The following VPS53 variants were observed in gnomAD, a reference collection of about 807,000 sequenced individuals.
VPS53 encodes VPS53 subunit of GARP complex, also known as vacuolar protein sorting-associated protein 53 homolog.
VPS53 carries 70 observed loss-of-function variants against 107.0 expected under a neutral mutation model. The observed-to-expected ratio is 0.65, with a 90% CI of 0.54 to 0.80. The LOEUF is 0.80. Among genes scored for constraint, VPS53 ranks in the 30% least tolerant of loss-of-function variants. The probability of loss-of-function intolerance (pLI) is 0.00; values close to 1 mark genes in which losing one functional copy is unlikely to be tolerated. For synonymous variants in VPS53, 409 were observed against 393.3 expected, an observed-to-expected ratio of 1.04 and a Z score of -0.47; for missense variants, 917 against 1,049.4, an observed-to-expected ratio of 0.87 and a Z score of 1.74.
intron 12 of VPS53, among the ~76,000 whole-genome samples, chr17:591,771 GC>G (rs1443171210): frequency 6.6e-6 from 1 of 152,150 alleles, no homozygotes; most frequent in East Asian, 1.9e-4. Flanking sequence ...TTTTACATTT[GC>G]TGAGGAGAGC....
At chr17:605,927 G>T (rs968303501) in intron 11 of VPS53, among the ~76,000 whole-genome samples, 2 of 152,162 alleles carry the variant, frequency 1.3e-5, no homozygotes, top group Non-Finnish European at 2.9e-5. Context: ...ACAGCGAAGT[G>T]ATGTGATCTA....
chr17:510,872 A>T lies in VPS53; in HGVS notation c.*8256T>A, dbSNP rs1296974084. ...GCCAGCTGCTGATCCAAAGCTCTGG[A>T]TCCTTTAGGGCTGTGCAAAGATGTG... On this transcript the variant is annotated 3_prime_UTR_variant, in exon 22 of 22. Coordinates refer to ENST00000437048, the MANE Select transcript of VPS53 (RefSeq NM_001128159.3). 3 of 152,594 alleles carry T rather than the reference A, an allele frequency of 2.0e-5. No individual in the cohort carries two copies. The highest frequency in any genetic ancestry group is 6.5e-5 in the Admixed American group (1 of 15,282). 9.5% of individuals were successfully genotyped at this position (152,594 alleles called of 1,614,324 possible). A position where few individuals can be genotyped will look rare whatever the true frequency, so the allele number is the denominator to read the frequency against.
At chr17:534,093 GC>G in intron 18 of VPS53, among the ~76,000 whole-genome samples, 1 of 152,306 alleles carries the variant, frequency 6.6e-6, no homozygotes, top group African/African-American at 2.4e-5. Flanking sequence ...TCTTGCCTCG[GC>G]CCCACAAAGC....
At chr17:628,596 T>C (rs1390011733) in intron 8 of VPS53, among the ~76,000 whole-genome samples, 2 of 151,978 alleles carry the variant, frequency 1.3e-5, no homozygotes, top group Non-Finnish European at 2.9e-5. Context: ...GGCCTAAGAG[T>C]GGGAATGCCA....
intron 13 of VPS53, among the ~76,000 whole-genome samples, chr17:565,423 A>AGG (rs1470806203): frequency 2.3e-5 from 3 of 132,788 alleles, no homozygotes; most frequent in East Asian, 2.1e-4. Flanking sequence ...AAAAAAAAAA[A>AGG]AAAGAAAGAA....
At chr17:546,429 C>T (rs1597276608) in intron 17 of VPS53, among the ~76,000 whole-genome samples, 1 of 151,052 alleles carries the variant, frequency 6.6e-6, no homozygotes, top group East Asian at 1.9e-4. Flanking sequence ...GAAAAGGCAA[C>T]CCACCCACAG....
chr17:680,083 C>T (rs1464306311), intron 4 of VPS53, among the ~76,000 whole-genome samples: 2 of 152,218 alleles, frequency 1.3e-5, no homozygotes, highest in South Asian at 2.1e-4. Flanking sequence ...CATTTCAGGT[C>T]AGGAGTTCAA....
intron 2 of VPS53, 129 bp from the exon 3 acceptor site, chr17:699,509 G>T: frequency 2.6e-5 from 17 of 643,270 alleles, no homozygotes; most frequent in Admixed American, 8.1e-5. Flanking sequence ...TATGAGTTTT[G>T]CTTTAAAAAA....
chr17:628,858 C>T (rs774211337), intron 8 of VPS53, among the ~76,000 whole-genome samples: 1 of 152,190 alleles, frequency 6.6e-6, no homozygotes, highest in African/African-American at 2.4e-5. Flanking sequence ...TGGAAAGATA[C>T]CAGGCGCTGT....
chr17:533,640 G>C (rs908412140), intron 18 of VPS53, among the ~76,000 whole-genome samples: 1 of 152,066 alleles, frequency 6.6e-6, no homozygotes, highest in African/African-American at 2.4e-5. Flanking sequence ...TGCTGCCTTC[G>C]CCATACTCTA....
intron 1 of VPS53, among the ~76,000 whole-genome samples, chr17:710,906 C>T (rs1973619994): frequency 6.6e-6 from 1 of 152,126 alleles, no homozygotes. Context: ...GATCACACCA[C>T]TACACTCCAG....
At chr17:700,754 T>C (rs1399033816) in intron 2 of VPS53, among the ~76,000 whole-genome samples, 1 of 152,180 alleles carries the variant, frequency 6.6e-6, no homozygotes, top group Non-Finnish European at 1.5e-5. Flanking sequence ...ATTCAAGTTT[T>C]CAAAATACAA....
intron 6 of VPS53, among the ~76,000 whole-genome samples, chr17:654,642 CAGG>C (rs1278945331): frequency 6.8e-6 from 1 of 146,454 alleles, no homozygotes; most frequent in Admixed American, 7.0e-5. Flanking sequence ...GAGGCTGAGG[CAGG>C]AGAATGGCGG....
At chr17:631,015 A>G (rs1371382797) in intron 8 of VPS53, among the ~76,000 whole-genome samples, 1 of 152,154 alleles carries the variant, frequency 6.6e-6, no homozygotes, top group African/African-American at 2.4e-5. Context: ...ACAGCTCCCA[A>G]GTGAAATGCT....
intron 10 of VPS53, 117 bp from the exon 11 acceptor site, chr17:623,791 C>T: frequency 8.7e-7 from 1 of 1,147,988 alleles, no homozygotes; most frequent in Non-Finnish European, 1.2e-6. Context: ...TCATTTCAAA[C>T]CCTGAGGTCT....
intron 17 of VPS53, chr17:540,718 TA>T (rs1910567788): frequency 6.6e-6 from 1 of 152,218 alleles, no homozygotes; most frequent in African/African-American, 2.4e-5. Context: ...GTTCAACTGG[TA>T]CTACTATCTA....
chr17:673,376 G>C (rs1972041139), intron 4 of VPS53, among the ~76,000 whole-genome samples: 2 of 152,204 alleles, frequency 1.3e-5, no homozygotes, highest in African/African-American at 4.8e-5. Context: ...AGCTGAAACA[G>C]AGGTGCTTCA....
At chr17:534,395 T>G (rs1358254898) in intron 18 of VPS53, among the ~76,000 whole-genome samples, 1 of 152,062 alleles carries the variant, frequency 6.6e-6, no homozygotes. Flanking sequence ...AAAGGAAACA[T>G]CTATGGTTTT....
intron 10 of VPS53, among the ~76,000 whole-genome samples, chr17:626,223 G>T: frequency 6.6e-6 from 1 of 150,970 alleles, no homozygotes; most frequent in East Asian, 1.9e-4. Flanking sequence ...AAAAAAAAAA[G>T]TCTGACTCTG....
Sources: allele counts gnomAD v4.1 joint callset (sites outside exome capture counted in the v4.1 genomes callset), GRCh38; gene constraint gnomAD v4.1.1; transcripts MANE v1.5; gene names NCBI Gene and HGNC (gene_info 2026-07-23, HGNC 2026-07-21).